The following ZDHHC2 variants were observed in gnomAD, a reference collection of about 807,000 sequenced individuals.
ZDHHC2 encodes zDHHC palmitoyltransferase 2, also known as palmitoyltransferase ZDHHC2.
In ZDHHC2, 51 loss-of-function variants were observed where a neutral mutation model predicts 55.6. The observed-to-expected ratio is 0.92, with a 90% CI of 0.73 to 1.16. ZDHHC2 has a LOEUF of 1.16. Among genes scored for constraint, ZDHHC2 ranks in the 50% most tolerant of loss-of-function variants. The pLI is 0.00. For synonymous variants in ZDHHC2, 199 were observed against 152.9 expected, an observed-to-expected ratio of 1.30 and a Z score of -2.22; for missense variants, 491 against 442.4, an observed-to-expected ratio of 1.11 and a Z score of -0.99.
At chr8:17,199,670 CCTT>C (rs1327378870) in intron 6 of ZDHHC2, among the ~76,000 whole-genome samples, 88 of 134,196 alleles carry the variant, frequency 6.6e-4, no homozygotes, top group South Asian at 4.4e-3. Context: ...CCTCCTCCCT[CCTT>C]CTTCTTCTTC....
chr8:17,174,228 A>C (rs1805011720), intron 1 of ZDHHC2, among the ~76,000 whole-genome samples: 1 of 151,878 alleles, frequency 6.6e-6, no homozygotes, highest in Non-Finnish European at 1.5e-5. Context: ...AGCTGGGACC[A>C]CAGGTGCATG....
At chr8:17,191,195 C>T (rs886254417) in intron 3 of ZDHHC2, among the ~76,000 whole-genome samples, 6 of 151,886 alleles carry the variant, frequency 4.0e-5, no homozygotes, top group East Asian at 1.9e-4. Flanking sequence ...CTCCTGACCT[C>T]GTGATCCGCC....
At chr8:17,167,191 A>T (rs1017768386) in intron 1 of ZDHHC2, among the ~76,000 whole-genome samples, 1 of 152,076 alleles carries the variant, frequency 6.6e-6, no homozygotes, top group Non-Finnish European at 1.5e-5. Flanking sequence ...CAGGGTGGAC[A>T]TCTCAAGCAA....
At chr8:17,207,624 A>G (rs929909573) in intron 7 of ZDHHC2, among the ~76,000 whole-genome samples, 1 of 152,174 alleles carries the variant, frequency 6.6e-6, no homozygotes, top group African/African-American at 2.4e-5. Context: ...TACTCCGTTA[A>G]TAAATTTAAA....
chr8:17,182,575 G>A lies in ZDHHC2; in HGVS notation c.131-2214G>A, dbSNP rs540927888. 7.2e-5 allele frequency among the ~76,000 whole-genome samples: 11 copies of A among 152,122 alleles called. No homozygotes were observed. In the South Asian group the frequency reaches 2.3e-3, roughly 32 times the overall value. On this transcript the variant is annotated intron_variant, in intron 1 of 12. Coordinates refer to ENST00000262096, the MANE Select transcript of ZDHHC2 (RefSeq NM_016353.5). ...ACTATAAAGATGAATTTATGTGTAA[G>A]TTGTGTACTTTTAAAAAAATAGAAC...
chr8:17,169,366 G>C (rs533323492), intron 1 of ZDHHC2, among the ~76,000 whole-genome samples: 1 of 152,080 alleles, frequency 6.6e-6, no homozygotes, highest in African/African-American at 2.4e-5. Context: ...CCTTATGAGA[G>C]TGCTGGTCAT....
chr8:17,174,614 G>T (rs528900576), intron 1 of ZDHHC2, among the ~76,000 whole-genome samples: 12 of 151,708 alleles, frequency 7.9e-5, no homozygotes, highest in Non-Finnish European at 1.6e-4. Flanking sequence ...AAATCTTTTG[G>T]GTCATAACCT....
At chr8:17,212,375 A>G (rs1472511295) in intron 10 of ZDHHC2, among the ~76,000 whole-genome samples, 2 of 152,098 alleles carry the variant, frequency 1.3e-5, no homozygotes, top group Non-Finnish European at 2.9e-5. Flanking sequence ...TCACCACCCT[A>G]AACCAGAATC....
In ZDHHC2 at chr8:17,158,975, A is replaced by C. The variant is rs74423458; in HGVS notation, c.130+2122A>C. ...GCTGTAGAAACAAAAAGTAATTGTTATGAAAGATCTAGATTCTAGAGTCTA... is the reference window on the plus strand; with the variant it reads ...GCTGTAGAAACAAAAAGTAATTGTTCTGAAAGATCTAGATTCTAGAGTCTA... On this transcript the variant is annotated intron_variant, in intron 1 of 12. Transcript: ENST00000262096. Among the ~76,000 whole-genome samples the C allele has an allele frequency of 0.014, 2,097 of 152,362 alleles. 129 individuals are homozygous for C. In the East Asian group the frequency reaches 0.2, roughly 15 times the overall value.
rs188441580 is a variant in ZDHHC2 at position 17,197,228 on chromosome 8, A to G, written c.374-354A>G. On this transcript the variant is annotated intron_variant, in intron 4 of 12. Coordinates refer to ENST00000262096, the MANE Select transcript of ZDHHC2 (RefSeq NM_016353.5). ...TTCAGTTTAAAACTTTTTTTGATAAATAACAGGGTACAAGAAATAAATTGG... is the reference window on the plus strand; with the variant it reads ...TTCAGTTTAAAACTTTTTTTGATAAGTAACAGGGTACAAGAAATAAATTGG... Among the ~76,000 whole-genome samples the G allele has an allele frequency of 1.8e-4, 27 of 152,312 alleles. No homozygotes were observed. In the East Asian group the frequency reaches 4.6e-3, roughly 26 times the overall value.
chr8:17,203,947 A>T (rs11987195), intron 6 of ZDHHC2, among the ~76,000 whole-genome samples: 2,989 of 152,052 alleles, frequency 0.02, 107 homozygotes, highest in African/African-American at 0.068. Flanking sequence ...ATCTGGGACT[A>T]CAGGCGTGTA....
intron 3 of ZDHHC2, among the ~76,000 whole-genome samples, chr8:17,193,895 T>C (rs1007030334): frequency 3.9e-5 from 6 of 152,156 alleles, no homozygotes; most frequent in African/African-American, 1.2e-4. Flanking sequence ...CATTAGGTAT[T>C]TATCCTAGTG....
intron 11 of ZDHHC2, among the ~76,000 whole-genome samples, 182 bp from the exon 12 acceptor site, chr8:17,216,990 G>A (rs1028202720): frequency 1.3e-5 from 2 of 152,032 alleles, no homozygotes; most frequent in Admixed American, 1.3e-4. Flanking sequence ...GATAGTGGTT[G>A]TAACTGACAC....
intron 1 of ZDHHC2, among the ~76,000 whole-genome samples, chr8:17,181,054 A>G (rs558834694): frequency 1.3e-5 from 2 of 152,216 alleles, no homozygotes; most frequent in African/African-American, 4.8e-5. Flanking sequence ...CACAGAAGAG[A>G]TTACTTTCGC....
At chr8:17,183,872 T>C (rs568874680) in intron 1 of ZDHHC2, among the ~76,000 whole-genome samples, 59 of 152,116 alleles carry the variant, frequency 3.9e-4, no homozygotes, top group African/African-American at 1.3e-3. Flanking sequence ...ATTTGGTAGC[T>C]CTCTTGGGCA....
At position 17,224,789 on chromosome 8, in the gene ZDHHC2, TCAAA is replaced by T. The variant is rs1286410479; in HGVS notation, c.*4571_*4574del. The T allele has an allele frequency of 3.3e-5, 5 of 151,736 alleles. No homozygotes were observed. Among genetic ancestry groups the T allele is most frequent in the East Asian group, 1.9e-4 (1 of 5,190 alleles). The allele number at this position is 151,736 out of a possible 1,614,324, so 9.4% of individuals were successfully genotyped here. A position where few individuals can be genotyped will look rare whatever the true frequency, so the allele number is the denominator to read the frequency against. On this transcript the variant is annotated 3_prime_UTR_variant, in exon 13 of 13. Transcript: ENST00000262096. ...ATTGAAAACATCTTAAATGAACTAA[TCAAA>T]CACTTATTGTGTGAAAGCTGAATAC...
Position 17,197,650 on chromosome 8 carries a change from A to G in ZDHHC2, c.442A>G (p.Lys148Glu), listed in dbSNP as rs1806389080. Residue 148 changes from lysine to glutamate, a missense_variant and splice_region_variant, in exon 5 of 13, where the codon AAA (lysine) becomes GAA (glutamate). By Grantham distance (56) the Lys-to-Glu change is moderately conservative (BLOSUM62 1). Coordinates refer to ENST00000262096, the MANE Select transcript of ZDHHC2 (RefSeq NM_016353.5). ...DRCHHCSVCD[K>E]CILKMDHHCP... ...CTGCCATCACTGCTCCGTCTGTGATAAGTAAGAGAACCTTTAACTTCTAAA... is the reference window on the plus strand; with the variant it reads ...CTGCCATCACTGCTCCGTCTGTGATGAGTAAGAGAACCTTTAACTTCTAAA... 2 of 1,612,838 alleles carry G rather than the reference A, an allele frequency of 1.2e-6. No homozygotes were observed. Among genetic ancestry groups the G allele is most frequent in the Non-Finnish European group, 1.7e-6 (2 of 1,179,360 alleles).
chr8:17,178,198 T>G (rs2517079), intron 1 of ZDHHC2, among the ~76,000 whole-genome samples: 2 of 152,142 alleles, frequency 1.3e-5, no homozygotes, highest in African/African-American at 2.4e-5. Context: ...CTGTATCTCA[T>G]TAGATACCAT....
chr8:17,215,447 T>C (rs1807604729), intron 11 of ZDHHC2, 98 bp downstream of exon 11: 1 of 951,478 alleles, frequency 1.1e-6, no homozygotes, highest in African/African-American at 1.7e-5. Flanking sequence ...AGATGTTTTC[T>C]TAGTTTGGAG....
Sources: gnomAD v4.1 joint callset for allele counts (sites outside exome capture counted in the v4.1 genomes callset) on GRCh38, gnomAD v4.1.1 for gene constraint, MANE v1.5 for transcripts, NCBI Gene and HGNC (gene_info 2026-07-23, HGNC 2026-07-21) for gene names.